SNTG1: variants seen among roughly 807,000 people sequenced by gnomAD.
SNTG1 encodes the protein syntrophin gamma 1, also known as gamma-1-syntrophin.
Under a neutral mutation model 74.7 loss-of-function variants are expected in SNTG1, and 39 were observed. The observed-to-expected ratio is 0.52, with a 90% CI of 0.40 to 0.68. The LOEUF is 0.68. Ranked by LOEUF, SNTG1 falls within the 30% of genes least tolerant of loss-of-function variation. The pLI, the probability that SNTG1 is intolerant of heterozygous loss-of-function variation, is 0.00. For synonymous variants in SNTG1, 254 were observed against 217.1 expected (o/e 1.17, Z -1.49); for missense variants, 685 against 609.5 (o/e 1.12, Z -1.30).
chr8:50,309,940 C>T (rs1263864265), intron 2 of SNTG1, among the ~76,000 whole-genome samples: 1 of 152,170 alleles, frequency 6.6e-6, no homozygotes, highest in East Asian at 1.9e-4. Flanking sequence ...TGTGTTTTAA[C>T]TTCTGTGGTA....
In SNTG1 at chr8:50,120,729, T is replaced by G. The variant is rs748416973; in HGVS notation, c.-102-51832T>G. 1.4e-5 allele frequency among the ~76,000 whole-genome samples: 2 copies of G among 142,670 alleles called. 1 individual carries two copies. Among genetic ancestry groups the G allele is most frequent in the South Asian group, 5.1e-4 (2 of 3,892 alleles). The allele number at this position is 142,670 out of a possible 152,430, so 93.6% of individuals were successfully genotyped here. A position where few individuals can be genotyped will look rare whatever the true frequency, so the allele number is the denominator to read the frequency against. On this transcript the variant is annotated intron_variant, in intron 1 of 18. Transcript: ENST00000642720. ...GAGGTTTCTTCTCCTGAACCCACAA[T>G]TTTTAGGTGATCACATTTTAATGTC... is the stretch of plus-strand genomic sequence containing the variant.
intron 5 of SNTG1, among the ~76,000 whole-genome samples, chr8:50,441,048 C>T (rs1310134866): frequency 6.6e-6 from 1 of 152,190 alleles, no homozygotes; most frequent in Non-Finnish European, 1.5e-5. Flanking sequence ...TTTCCTGTCA[C>T]AGTCACCACT....
At chr8:50,368,618 G>A (rs538871347) in intron 2 of SNTG1, among the ~76,000 whole-genome samples, 9 of 152,270 alleles carry the variant, frequency 5.9e-5, no homozygotes, top group African/African-American at 1.9e-4. Context: ...TTGAACTGAA[G>A]AGGATAGGGG....
At chr8:50,165,310 A>C (rs1468816325) in intron 1 of SNTG1, among the ~76,000 whole-genome samples, 1 of 152,232 alleles carries the variant, frequency 6.6e-6, no homozygotes, top group Non-Finnish European at 1.5e-5. Flanking sequence ...TTTCTATATC[A>C]CAGTGCAGTC....
At chr8:50,323,329 C>T (rs1396590369) in intron 2 of SNTG1, among the ~76,000 whole-genome samples, 1 of 152,110 alleles carries the variant, frequency 6.6e-6, no homozygotes, top group Non-Finnish European at 1.5e-5. Context: ...CTCTGTTTCT[C>T]CAGGATTGCT....
Position 50,497,101 on chromosome 8 carries a change from T to C in SNTG1, c.364-5677T>C, listed in dbSNP as rs954947936. On this transcript the variant is annotated intron_variant, in intron 8 of 18. Coordinates refer to ENST00000642720, the MANE Select transcript of SNTG1 (RefSeq NM_018967.5). ...ATTACACAGATACTCATAAGTGACC[T>C]TATATTTTAAAAACTCATTATCTCT... Among the ~76,000 whole-genome samples, 6 of 152,036 alleles carry C rather than the reference T, an allele frequency of 3.9e-5. No individual in the cohort carries two copies. In the East Asian group the frequency reaches 9.6e-4, roughly 24 times the overall value.
intron 1 of SNTG1, among the ~76,000 whole-genome samples, chr8:50,070,748 C>G (rs1405327640): frequency 6.6e-6 from 1 of 152,168 alleles, no homozygotes; most frequent in Non-Finnish European, 1.5e-5. Context: ...TTAAAACAGC[C>G]ATCATTTTAT....
intron 15 of SNTG1, among the ~76,000 whole-genome samples, chr8:50,686,860 G>A (rs2095354356): frequency 6.6e-6 from 1 of 152,090 alleles, no homozygotes; most frequent in Non-Finnish European, 1.5e-5. Context: ...GAAGGGCCGG[G>A]CGCGGTGGCT....
intron 18 of SNTG1, among the ~76,000 whole-genome samples, chr8:50,774,619 A>G (rs1205947068): frequency 1.3e-5 from 2 of 151,894 alleles, no homozygotes; most frequent in African/African-American, 2.4e-5. Context: ...ACTTGAATAC[A>G]CACTTAGAAA....
chr8:50,252,444 A>G (rs930951682), intron 2 of SNTG1, among the ~76,000 whole-genome samples: 2 of 152,200 alleles, frequency 1.3e-5, no homozygotes, highest in East Asian at 1.9e-4. Context: ...AATAAACAAA[A>G]TTAACAAACT....
intron 8 of SNTG1, among the ~76,000 whole-genome samples, chr8:50,460,016 G>A (rs1190426178): frequency 6.6e-6 from 1 of 152,116 alleles, no homozygotes; most frequent in African/African-American, 2.4e-5. Context: ...TTTTATTTTG[G>A]ATATATACCC....
chr8:50,298,116 G>A (rs2089476256), intron 2 of SNTG1, among the ~76,000 whole-genome samples: 1 of 151,928 alleles, frequency 6.6e-6, no homozygotes. Context: ...GCAAGATAAA[G>A]GCCTGATCCA....
chr8:50,086,769 A>C (rs994869887), intron 1 of SNTG1, among the ~76,000 whole-genome samples: 6 of 152,158 alleles, frequency 3.9e-5, no homozygotes, highest in African/African-American at 1.4e-4. Context: ...CATCAGTGGA[A>C]GGAAACAAAC....
rs567220741 is a variant in SNTG1, at chr8:50,746,014, C to T, written c.1285-5987C>T. Among the ~76,000 whole-genome samples, 28 of 151,626 alleles carry T rather than the reference C, an allele frequency of 1.8e-4. No homozygotes were observed. The South Asian group carries it at 3.9e-3, about 21-fold the overall frequency. On this transcript the variant is annotated intron_variant, in intron 17 of 18. Coordinates refer to ENST00000642720, the MANE Select transcript of SNTG1 (RefSeq NM_018967.5). ...TCAATCATACATGTAAAAATCATTA[C>T]GATGCTAAATTTTATATTATGTATA...
chr8:49,938,030 C>G (rs1221864674), intron 1 of SNTG1, among the ~76,000 whole-genome samples: 5 of 152,162 alleles, frequency 3.3e-5, no homozygotes, highest in Admixed American at 3.3e-4. Context: ...ACCTGCCTCT[C>G]CCTTCCCTGG....
intron 2 of SNTG1, among the ~76,000 whole-genome samples, chr8:50,325,208 T>C (rs1027380546): frequency 6.6e-6 from 1 of 151,654 alleles, no homozygotes; most frequent in East Asian, 1.9e-4. Flanking sequence ...ATTGTGTATC[T>C]TCTGTTTTCC....
At chr8:50,422,562 G>A (rs1244302994) in intron 4 of SNTG1, among the ~76,000 whole-genome samples, 1 of 152,002 alleles carries the variant, frequency 6.6e-6, no homozygotes. Context: ...CAGAATTATT[G>A]CTCAAATCAA....
chr8:50,681,981 A>T (rs7012490), intron 15 of SNTG1, among the ~76,000 whole-genome samples: 1 of 152,168 alleles, frequency 6.6e-6, no homozygotes, highest in Admixed American at 6.5e-5. Context: ...GAAATGTTTT[A>T]TCATGACCCA....
intron 2 of SNTG1, among the ~76,000 whole-genome samples, chr8:50,270,348 T>C (rs755456465): frequency 8.5e-5 from 13 of 152,236 alleles, no homozygotes; most frequent in Middle Eastern, 3.4e-3. Flanking sequence ...ATCATAGATA[T>C]AGAAAGAAAA....
Sources: gnomAD v4.1 joint callset for allele counts (sites outside exome capture counted in the v4.1 genomes callset) on GRCh38, gnomAD v4.1.1 for gene constraint, MANE v1.5 for transcripts, NCBI Gene and HGNC (gene_info 2026-07-23, HGNC 2026-07-21) for gene names.